The following AHCYL1 variants were observed in gnomAD, a reference collection of about 807,000 sequenced individuals.
AHCYL1 encodes the protein adenosylhomocysteinase like 1.
AHCYL1 carries 20 observed loss-of-function variants against 79.3 expected under a neutral mutation model. That is an observed-to-expected ratio of 0.25 (90% CI 0.18 to 0.37). AHCYL1 has a LOEUF of 0.37. Ranked by LOEUF, AHCYL1 falls within the 10% of genes least tolerant of loss-of-function variation. The probability of loss-of-function intolerance (pLI) is 1.00; values close to 1 mark genes in which losing one functional copy is unlikely to be tolerated. For synonymous variants in AHCYL1, 223 were observed against 242.2 expected, an observed-to-expected ratio of 0.92 and a Z score of 0.74; for missense variants, 330 against 673.6, an observed-to-expected ratio of 0.49 and a Z score of 5.65.
At chr1:109,995,666 T>C (rs1211960592) in intron 1 of AHCYL1, 2 of 985,286 alleles carry the variant, frequency 2.0e-6, no homozygotes, top group Admixed American at 6.1e-5. Flanking sequence ...GATTATTTCT[T>C]AGATCAGCAC....
chr1:110,008,724 A>AG (rs1170478839), intron 1 of AHCYL1, among the ~76,000 whole-genome samples: 4 of 152,314 alleles, frequency 2.6e-5, no homozygotes, highest in Middle Eastern at 3.4e-3. Context: ...GGGTTATAAG[A>AG]GGGGAAAAAA....
intron 6 of AHCYL1, 102 bp downstream of exon 6, chr1:110,014,959 C>A: frequency 9.1e-7 from 1 of 1,099,564 alleles, no homozygotes; most frequent in Non-Finnish European, 1.4e-6. Context: ...TGGTCTTATG[C>A]ACTGACTTTG....
chr1:110,017,416 T>C, intron 9 of AHCYL1, 79 bp from the exon 10 acceptor site: 1 of 1,341,972 alleles, frequency 7.5e-7, no homozygotes, highest in Non-Finnish European at 1.1e-6. Flanking sequence ...GGTTAATTCC[T>C]GTCTCACAAA....
At chr1:110,003,867 A>G (rs1250427833) in intron 1 of AHCYL1, 8 of 945,570 alleles carry the variant, frequency 8.5e-6, no homozygotes, top group African/African-American at 7.1e-5. Context: ...GTTTACTTCT[A>G]GTTGGCAGTT....
At chr1:110,017,889 A>G (rs552769944) in intron 10 of AHCYL1, 57 bp from the exon 11 acceptor site, 1 of 1,556,142 alleles carries the variant, frequency 6.4e-7, no homozygotes, top group East Asian at 2.2e-5. Context: ...TTTCATGACC[A>G]TCTTCCCTCC....
chr1:110,009,259 G>A, intron 2 of AHCYL1, 114 bp downstream of exon 2: 1 of 904,936 alleles, frequency 1.1e-6, no homozygotes, highest in Non-Finnish European at 1.6e-6. Context: ...CCTTTGTGCT[G>A]AAAACTGTTA....
chr1:110,009,689 G>A (rs1394352452), intron 2 of AHCYL1, among the ~76,000 whole-genome samples: 1 of 152,184 alleles, frequency 6.6e-6, no homozygotes, highest in Middle Eastern at 3.2e-3. Context: ...TGTAACTCCA[G>A]CTCTGTTTCT....
chr1:109,985,525 A>G, intron 1 of AHCYL1: 1 of 1,004,888 alleles, frequency 1.0e-6, no homozygotes, highest in East Asian at 1.0e-4. Context: ...CATGGGGTGT[A>G]CAGAAAATCT....
rs1262544805 is a variant in AHCYL1 at position 110,004,206 on chromosome 1, C to CG, written c.121-4826dup. 3.0e-5 allele frequency: 30 copies of CG among 985,506 alleles called. No individual in the cohort carries two copies. The African/African-American group carries it at 4.2e-4, about 14-fold the overall frequency. The allele number at this position is 985,506 out of a possible 1,614,324, so 61.0% of individuals were successfully genotyped here. On this transcript the variant is annotated intron_variant, in intron 1 of 16. Coordinates refer to ENST00000369799, the MANE Select transcript of AHCYL1 (RefSeq NM_006621.7). ...ACTGTTGAGACACAGAGGCGGGAGTCGGCGGGGGAAGATATGTGCTGAGAT... is the reference window on the plus strand; with the variant it reads ...ACTGTTGAGACACAGAGGCGGGAGTCGGGCGGGGGAAGATATGTGCTGAGAT...
Position 109,993,384 on chromosome 1 carries a change from T to C in AHCYL1, c.120+8212T>C, listed in dbSNP as rs540403124. ...CATCATTTGACTTTTCTAGATGGAATATGTTGAGGGCAAAGACCGTATCTC... is the reference window on the plus strand; with the variant it reads ...CATCATTTGACTTTTCTAGATGGAACATGTTGAGGGCAAAGACCGTATCTC... On this transcript the variant is annotated intron_variant, in intron 1 of 16. Coordinates refer to ENST00000369799, the MANE Select transcript of AHCYL1 (RefSeq NM_006621.7). Among the ~76,000 whole-genome samples the C allele has an allele frequency of 2.0e-5, 3 of 152,362 alleles. No individual in the cohort carries two copies. In the South Asian group the frequency reaches 6.2e-4, roughly 32 times the overall value.
intron 1 of AHCYL1, among the ~76,000 whole-genome samples, chr1:110,001,492 G>A (rs1650312556): frequency 6.6e-6 from 1 of 152,122 alleles, no homozygotes; most frequent in African/African-American, 2.4e-5. Context: ...GGCCTTGACA[G>A]CTTTTTATTT....
At chr1:109,992,005 TGACCTCACGTCAA>T (rs111647013) in intron 1 of AHCYL1, among the ~76,000 whole-genome samples, 53 of 152,270 alleles carry the variant, frequency 3.5e-4, no homozygotes, top group African/African-American at 1.2e-3. Flanking sequence ...AAGACTGGCT[TGACCTCACGTCAA>T]GACCTCACGT....
intron 1 of AHCYL1, among the ~76,000 whole-genome samples, chr1:109,995,480 T>C (rs1649985475): frequency 6.6e-6 from 1 of 152,202 alleles, no homozygotes. Context: ...ATCTGATGGA[T>C]TGTCTGTTCC....
At chr1:110,016,563 C>G (rs183814196) in intron 8 of AHCYL1, 103 bp downstream of exon 8, 1 of 1,568,054 alleles carries the variant, frequency 6.4e-7, no homozygotes, top group East Asian at 2.2e-5. Flanking sequence ...CAACCAGCTT[C>G]CAATTGATAT....
In AHCYL1 at chr1:110,006,167, A is replaced by G. The variant is rs557877008; in HGVS notation, c.121-2867A>G. The stretch of plus-strand genomic sequence containing the variant: ...TCATAAATATGCTCTTAGTGTAAGA[A>G]TGGAACACTGGTATGCTTGTTCAGT... On this transcript the variant is annotated intron_variant, in intron 1 of 16. Transcript: ENST00000369799. 1.4e-3 allele frequency among the ~76,000 whole-genome samples: 216 copies of G among 152,356 alleles called. 1 individual carries two copies. Among genetic ancestry groups the G allele is most frequent in the African/African-American group, 4.4e-3 (181 of 41,584 alleles).
rs1240297490 is a variant in AHCYL1, at chr1:110,018,537, CT to C, written c.1219-12del. ...TCATTAATAACCATAGTCAACTGTG[CT>C]TTCTTCCTTTCAGACCAGCCTCCGC... is the stretch of plus-strand genomic sequence containing the variant. On this transcript the variant is annotated splice_polypyrimidine_tract_variant and intron_variant, in intron 12 of 16. Transcript: ENST00000369799. 1 of 1,614,020 alleles carries C rather than the reference CT, an allele frequency of 6.2e-7. No homozygotes were observed. Among genetic ancestry groups the C allele is most frequent in the Non-Finnish European group, 8.5e-7 (1 of 1,179,954 alleles).
intron 1 of AHCYL1, chr1:110,003,878 G>T: frequency 1.0e-6 from 1 of 973,746 alleles, no homozygotes; most frequent in Non-Finnish European, 1.2e-6. Flanking sequence ...GTTGGCAGTT[G>T]CAGGCCTCGA....
rs1406001675 is a variant in AHCYL1 at position 110,017,475 on chromosome 1, A to G, written c.964-20A>G. 3 of 1,612,784 alleles carry G rather than the reference A, an allele frequency of 1.9e-6. No homozygotes were observed. Among genetic ancestry groups the G allele is most frequent in the Non-Finnish European group, 1.7e-6 (2 of 1,179,122 alleles). On this transcript the variant is annotated intron_variant, in intron 9 of 16. Coordinates refer to ENST00000369799, the MANE Select transcript of AHCYL1 (RefSeq NM_006621.7). ...ATGACTTAATGAACCTAACGACTTG[A>G]CCTTTCTTTTGTTCTGCAGGTAGGC...
At chr1:109,994,813 A>G (rs1015243600) in intron 1 of AHCYL1, among the ~76,000 whole-genome samples, 1 of 152,216 alleles carries the variant, frequency 6.6e-6, no homozygotes, top group Admixed American at 6.5e-5. Context: ...CTGGCTTGTC[A>G]TGCTGGACTA....
Sources: allele counts gnomAD v4.1 joint callset (sites outside exome capture counted in the v4.1 genomes callset), GRCh38; gene constraint gnomAD v4.1.1; transcripts MANE v1.5; gene names NCBI Gene and HGNC (gene_info 2026-07-23, HGNC 2026-07-21).